The following MED12L variants were observed in gnomAD, a reference collection of about 807,000 sequenced individuals.
MED12L encodes mediator complex subunit 12L, also known as mediator of RNA polymerase II transcription subunit 12-like protein.
A neutral mutation model predicts 281.3 loss-of-function variants in MED12L; 60 were observed. The observed-to-expected ratio is 0.21, with a 90% CI of 0.17 to 0.26. The LOEUF is 0.26. Among genes scored for constraint, MED12L ranks in the 10% least tolerant of loss-of-function variants. The pLI is 1.00. For synonymous variants in MED12L, 974 were observed against 987.2 expected (o/e 0.99, Z 0.25); for missense variants, 2,146 against 2,680.9 (o/e 0.80, Z 4.41).
At chr3:151,174,699 AT>A (rs1226962394) in intron 11 of MED12L, among the ~76,000 whole-genome samples, 1 of 152,138 alleles carries the variant, frequency 6.6e-6, no homozygotes, top group African/African-American at 2.4e-5. Flanking sequence ...TATGCAAAAT[AT>A]TTTTTTAATT....
In MED12L at chr3:151,193,645, A is replaced by G; in HGVS notation, c.2229A>G (p.Ala743=). 1 of 1,613,994 alleles carries G rather than the reference A, an allele frequency of 6.2e-7. No individual in the cohort carries two copies. The highest frequency in any genetic ancestry group is 1.3e-5 in the African/African-American group (1 of 75,066). The change falls in exon 16 of 45, where the codon GCA becomes GCG. Residue 743 remains alanine (A), a synonymous_variant. Coordinates refer to ENST00000687756, the MANE Select transcript of MED12L (RefSeq NM_001393769.1). ...ACCTCCTTCGCCACTTACAGTATGC[A>G]ACACATTTTCCTATACCTCTGGTAA... ...NYDLLRHLQY[A]THFPIPLDES... is the part of the protein sequence containing the mutation.
At chr3:151,389,934 T>C in intron 37 of MED12L, 45 bp from the exon 38 acceptor site, 1 of 1,593,730 alleles carries the variant, frequency 6.3e-7, no homozygotes, top group South Asian at 1.1e-5. Context: ...ATTAGCTGTG[T>C]GATATGTGGA....
At chr3:151,350,411 G>A (rs1753077397) in intron 17 of MED12L, among the ~76,000 whole-genome samples, 1 of 151,592 alleles carries the variant, frequency 6.6e-6, no homozygotes, top group Non-Finnish European at 1.5e-5. Context: ...ATTAATACAA[G>A]GTATTAATAT....
At chr3:151,208,386 G>T (rs1726654806) in intron 16 of MED12L, among the ~76,000 whole-genome samples, 1 of 152,138 alleles carries the variant, frequency 6.6e-6, no homozygotes, top group African/African-American at 2.4e-5. Context: ...GACCCTTTTA[G>T]CTTAGAAAAT....
intron 16 of MED12L, among the ~76,000 whole-genome samples, chr3:151,303,106 T>C (rs902128674): frequency 2.6e-5 from 4 of 152,140 alleles, no homozygotes; most frequent in Admixed American, 6.5e-5. Context: ...GGTGACAGCA[T>C]GTAGAGATGG....
At chr3:151,399,267 T>C (rs1453765349) in intron 39 of MED12L, among the ~76,000 whole-genome samples, 1 of 152,224 alleles carries the variant, frequency 6.6e-6, no homozygotes, top group African/African-American at 2.4e-5. Context: ...GCTCAAAAAG[T>C]GTTAGCTGTC....
intron 23 of MED12L, 150 bp downstream of exon 23, chr3:151,366,141 A>G (rs1207424863): frequency 6.7e-6 from 4 of 601,128 alleles, no homozygotes; most frequent in African/African-American, 3.8e-5. Context: ...GTAAACCACA[A>G]TGACATTGCC....
intron 5 of MED12L, among the ~76,000 whole-genome samples, chr3:151,131,255 A>G (rs1187331785): frequency 6.6e-6 from 1 of 152,206 alleles, no homozygotes; most frequent in Non-Finnish European, 1.5e-5. Flanking sequence ...AAATGCAAAA[A>G]GGAAGTGCAG....
At chr3:151,219,458 A>G (rs917822811) in intron 16 of MED12L, 12 of 152,224 alleles carry the variant, frequency 7.9e-5, no homozygotes, top group African/African-American at 2.9e-4. Context: ...TTCTGTGAAG[A>G]AAAGAATTTT....
At chr3:151,345,797 G>T (rs1242086076) in intron 16 of MED12L, among the ~76,000 whole-genome samples, 2 of 152,068 alleles carry the variant, frequency 1.3e-5, no homozygotes, top group Non-Finnish European at 2.9e-5. Flanking sequence ...GATTATAGAT[G>T]TGAGCCACCA....
intron 39 of MED12L, among the ~76,000 whole-genome samples, chr3:151,402,549 C>T (rs1183104318): frequency 6.6e-6 from 1 of 152,196 alleles, no homozygotes; most frequent in East Asian, 1.9e-4. Context: ...ACCCACATGT[C>T]CTGAGCTCCC....
chr3:151,341,402 AT>A (rs574808205), intron 16 of MED12L, among the ~76,000 whole-genome samples: 20 of 151,210 alleles, frequency 1.3e-4, no homozygotes, highest in South Asian at 6.3e-4. Context: ...AATATAAACA[AT>A]TTTTTTTTGT....
At chr3:151,418,718 A>T (rs1717912062) in intron 43 of MED12L, among the ~76,000 whole-genome samples, 1 of 152,126 alleles carries the variant, frequency 6.6e-6, no homozygotes, top group Non-Finnish European at 1.5e-5. Flanking sequence ...TTCCCTTTGC[A>T]ATTAATAATT....
chr3:151,390,537 C>T (rs1000371593), intron 38 of MED12L, among the ~76,000 whole-genome samples: 1 of 152,114 alleles, frequency 6.6e-6, no homozygotes, highest in Non-Finnish European at 1.5e-5. Flanking sequence ...ATTGGTTCAG[C>T]AAGATTTAGA....
At chr3:151,269,590 C>A in intron 16 of MED12L, 1 of 316,920 alleles carries the variant, frequency 3.2e-6, no homozygotes, top group Non-Finnish European at 6.2e-6. Context: ...CAGCCATCCA[C>A]AAGTGTCTAC....
At chr3:151,222,422 C>T (rs1257214883) in intron 16 of MED12L, among the ~76,000 whole-genome samples, 10 of 152,158 alleles carry the variant, frequency 6.6e-5, no homozygotes, top group South Asian at 2.1e-4. Context: ...CATCTTGTGG[C>T]TCCCTTAATT....
chr3:151,212,569 A>C (rs1010000779), intron 16 of MED12L: 7 of 152,124 alleles, frequency 4.6e-5, no homozygotes, highest in Admixed American at 4.6e-4. Context: ...CTCTCAGTAA[A>C]GCCTACTTAA....
At chr3:151,114,713 G>A (rs1181718630) in intron 2 of MED12L, among the ~76,000 whole-genome samples, 3 of 150,142 alleles carry the variant, frequency 2.0e-5, no homozygotes, top group Non-Finnish European at 3.0e-5. Flanking sequence ...GAACTCTGAT[G>A]TAGTTCCATA....
intron 5 of MED12L, among the ~76,000 whole-genome samples, chr3:151,153,402 A>G (rs762691786): frequency 2.0e-5 from 3 of 152,120 alleles, no homozygotes; most frequent in Non-Finnish European, 2.9e-5. Flanking sequence ...ATTTAACATC[A>G]ACAACTACAC....
Sources: gnomAD v4.1 joint callset for allele counts (sites outside exome capture counted in the v4.1 genomes callset) on GRCh38, gnomAD v4.1.1 for gene constraint, MANE v1.5 for transcripts, NCBI Gene and HGNC (gene_info 2026-07-23, HGNC 2026-07-21) for gene names.